The following TLCD4 variants were observed in gnomAD, a reference collection of about 807,000 sequenced individuals.
The protein encoded by TLCD4 is TLC domain containing 4, also known as TLC domain-containing protein 4.
TLCD4 carries 7 observed loss-of-function variants against 24.2 expected under a neutral mutation model. The observed-to-expected ratio is 0.29, with a 90% confidence interval of 0.16 to 0.54. The LOEUF (loss-of-function observed/expected upper bound fraction) is 0.54. TLCD4 is among the 20% of genes least tolerant of loss of function. TLCD4 has a pLI of 0.95. For synonymous variants in TLCD4, 103 were observed against 106.4 expected (o/e 0.97, Z 0.20); for missense variants, 259 against 313.9 (o/e 0.82, Z 1.32).
rs1037508040 is a variant in TLCD4, at chr1:95,117,404, G to A, written c.-225G>A. 1.3e-5 allele frequency: 2 copies of A among 152,070 alleles called. No individual in the cohort carries two copies. The highest frequency in any genetic ancestry group is 2.9e-5 in the Non-Finnish European group (2 of 68,016). 9.4% of individuals were successfully genotyped at this position (152,070 alleles called of 1,614,324 possible). ...AGCCCGCAGTCCGGGCGGGCGCGAC[G>A]GCCGCCGCGGTAGCTGGAGCCTCCG... On this transcript the variant is annotated 5_prime_UTR_variant, in exon 1 of 7. Transcript: ENST00000370203.
chr1:95,142,438 T>C (rs1281716171), intron 1 of TLCD4, among the ~76,000 whole-genome samples: 1 of 152,104 alleles, frequency 6.6e-6, no homozygotes, highest in Non-Finnish European at 1.5e-5. Flanking sequence ...TTCAGGTTCT[T>C]GGCATTTTGA....
At chr1:95,134,643 C>T (rs1470109544) in intron 1 of TLCD4, among the ~76,000 whole-genome samples, 1 of 152,158 alleles carries the variant, frequency 6.6e-6, no homozygotes, top group Non-Finnish European at 1.5e-5. Context: ...AACAGCGGTA[C>T]TCAAGTGGTA....
chr1:95,150,469 C>G (rs1048356663), intron 4 of TLCD4, among the ~76,000 whole-genome samples: 1 of 152,128 alleles, frequency 6.6e-6, no homozygotes, highest in Admixed American at 6.6e-5. Context: ...ATCAGAGTTA[C>G]AGAGTGATGC....
In TLCD4 at chr1:95,148,744, C is replaced by T. The variant is rs776151072; in HGVS notation, c.198C>T (p.Gly66=). ...ATTCTTTGGTGGTTGGTATTTTTGG[C>T]CTGTACATTTTCTTATTCGATGAGG... The part of the protein sequence containing the change: ...TCHSLVVGIF[G]LYIFLFDEAT... Residue 66 remains glycine (G), a synonymous_variant, in exon 3 of 7, where the codon GGC becomes GGT. Coordinates refer to ENST00000370203, the MANE Select transcript of TLCD4 (RefSeq NM_152487.3). The T allele has an allele frequency of 2.5e-6, 4 of 1,613,474 alleles. No individual in the cohort carries two copies. The highest frequency in any genetic ancestry group is 2.2e-5 in the South Asian group (2 of 91,060).
intron 5 of TLCD4, among the ~76,000 whole-genome samples, chr1:95,161,291 A>G (rs1413049501): frequency 6.6e-6 from 1 of 152,186 alleles, no homozygotes; most frequent in Non-Finnish European, 1.5e-5. Flanking sequence ...TTATTTGCGT[A>G]GAGGTGTTTA....
In TLCD4 at chr1:95,138,018, A is replaced by G. The variant is rs149319936; in HGVS notation, c.-11-5873A>G. On this transcript the variant is annotated intron_variant, in intron 1 of 6. Coordinates refer to ENST00000370203, the MANE Select transcript of TLCD4 (RefSeq NM_152487.3). Reference sequence around the variant, plus strand: ...CTCCTAAAGTGCTGGAATTACAGGCATGAGCCCGACTGAGAACTGAGTCTT... The same window carrying G: ...CTCCTAAAGTGCTGGAATTACAGGCGTGAGCCCGACTGAGAACTGAGTCTT... Among the ~76,000 whole-genome samples, 112 of 152,286 alleles carry G rather than the reference A, an allele frequency of 7.4e-4. 2 individuals are homozygous for G. The East Asian group carries it at 0.016, about 22-fold the overall frequency.
intron 5 of TLCD4, among the ~76,000 whole-genome samples, chr1:95,155,502 T>C (rs1463170307): frequency 6.6e-6 from 1 of 152,194 alleles, no homozygotes; most frequent in African/African-American, 2.4e-5. Flanking sequence ...TAATAGCATC[T>C]ATCTCATTTG....
the TLCD4 span, among the ~76,000 whole-genome samples, chr1:95,108,706 T>G: frequency 6.6e-6 from 1 of 152,234 alleles, no homozygotes; most frequent in Non-Finnish European, 1.5e-5. Flanking sequence ...GAATGAGACA[T>G]AGATTTAACT....
intron 1 of TLCD4, among the ~76,000 whole-genome samples, chr1:95,140,956 G>C (rs1163445747): frequency 6.6e-6 from 1 of 152,210 alleles, no homozygotes; most frequent in Non-Finnish European, 1.5e-5. Flanking sequence ...AAGATCTCTA[G>C]ATTAGTTCTT....
intron 1 of TLCD4, among the ~76,000 whole-genome samples, chr1:95,127,242 C>T (rs1367859294): frequency 2.0e-5 from 3 of 152,152 alleles, no homozygotes; most frequent in African/African-American, 7.2e-5. Context: ...ACTTGTTCTT[C>T]AGCCCCTCTA....
upstream of TLCD4, among the ~76,000 whole-genome samples, chr1:95,112,405 GA>G (rs938009388): frequency 6.6e-6 from 1 of 151,980 alleles, no homozygotes; most frequent in Admixed American, 6.5e-5. Flanking sequence ...ATAAATAAAA[GA>G]AAAAATTTGC....
chr1:95,181,927 A>G (rs1053615810), intron 6 of TLCD4, among the ~76,000 whole-genome samples: 12 of 152,084 alleles, frequency 7.9e-5, no homozygotes, highest in East Asian at 3.9e-4. Context: ...CAGGCCTTCA[A>G]TCTTTTACAT....
At chr1:95,161,428 AT>A (rs1165573760) in intron 5 of TLCD4, among the ~76,000 whole-genome samples, 1 of 151,984 alleles carries the variant, frequency 6.6e-6, no homozygotes, top group African/African-American at 2.4e-5. Flanking sequence ...CAGTCTATCA[AT>A]TTTGTTGATC....
intron 5 of TLCD4, among the ~76,000 whole-genome samples, chr1:95,160,381 G>A (rs1253546779): frequency 6.6e-6 from 1 of 152,220 alleles, no homozygotes; most frequent in Middle Eastern, 3.2e-3. Context: ...TGCTGAAGTT[G>A]CTTATCAGCT....
At chr1:95,179,673 T>C (rs930460524) in intron 6 of TLCD4, among the ~76,000 whole-genome samples, 1 of 152,176 alleles carries the variant, frequency 6.6e-6, no homozygotes, top group African/African-American at 2.4e-5. Flanking sequence ...GAAAAAAATA[T>C]GTAGCTTCCT....
intron 1 of TLCD4, among the ~76,000 whole-genome samples, chr1:95,123,323 C>T (rs547993431): frequency 6.6e-6 from 1 of 152,192 alleles, no homozygotes; most frequent in South Asian, 2.1e-4. Flanking sequence ...TTCTTACATG[C>T]CCTATGGAAA....
chr1:95,182,311 C>T (rs1032474119), intron 6 of TLCD4, among the ~76,000 whole-genome samples: 1 of 151,358 alleles, frequency 6.6e-6, no homozygotes, highest in African/African-American at 2.4e-5. Context: ...GTGGAAGAAC[C>T]TGGTAGTTTA....
chr1:95,114,722 C>T (rs918268660), upstream of TLCD4, among the ~76,000 whole-genome samples: 4 of 151,450 alleles, frequency 2.6e-5, no homozygotes, highest in African/African-American at 9.7e-5. Context: ...CCCAGGTATT[C>T]GGGAGGCTGA....
chr1:95,149,163 A>G (rs1457576385), intron 3 of TLCD4, among the ~76,000 whole-genome samples: 3 of 152,100 alleles, frequency 2.0e-5, no homozygotes, highest in Non-Finnish European at 2.9e-5. Context: ...TTTGTCTCCA[A>G]TTTATGTTTG....
Sources: gnomAD v4.1 joint callset for allele counts (sites outside exome capture counted in the v4.1 genomes callset) on GRCh38, gnomAD v4.1.1 for gene constraint, MANE v1.5 for transcripts, NCBI Gene and HGNC (gene_info 2026-07-23, HGNC 2026-07-21) for gene names.